Variants in PPP1R12A observed in about 807,000 individuals in gnomAD.
PPP1R12A encodes the protein protein phosphatase 1 regulatory subunit 12A.
In PPP1R12A, 19 loss-of-function variants were observed where a neutral mutation model predicts 139.6. The ratio of observed to expected loss-of-function variants is 0.14; its 90% CI spans 0.09 to 0.20. PPP1R12A has a LOEUF of 0.20. PPP1R12A is among the 10% of genes least tolerant of loss of function. The probability of loss-of-function intolerance (pLI) is 1.00; values close to 1 mark genes in which losing one functional copy is unlikely to be tolerated. For synonymous variants in PPP1R12A, 427 were observed against 420.6 expected, an observed-to-expected ratio of 1.02 and a Z score of -0.19; for missense variants, 925 against 1,211.5, an observed-to-expected ratio of 0.76 and a Z score of 3.51.
chr12:79,902,091 G>A (rs959001603), intron 1 of PPP1R12A, among the ~76,000 whole-genome samples: 3 of 152,180 alleles, frequency 2.0e-5, no homozygotes, highest in African/African-American at 2.4e-5. Context: ...GATAAGTCTT[G>A]TTAAAGATTT....
At chr12:79,897,894 A>T (rs1334541224) in intron 1 of PPP1R12A, among the ~76,000 whole-genome samples, 1 of 152,220 alleles carries the variant, frequency 6.6e-6, no homozygotes, top group Non-Finnish European at 1.5e-5. Flanking sequence ...GCCAATCTCT[A>T]GGACTGAGTA....
chr12:79,927,991 G>C (rs944660261), intron 1 of PPP1R12A, among the ~76,000 whole-genome samples: 1 of 152,180 alleles, frequency 6.6e-6, no homozygotes, highest in South Asian at 2.1e-4. Context: ...TTCATATAGT[G>C]TCAAGAAGTA....
At chr12:79,856,011 T>G (rs189001878) in intron 2 of PPP1R12A, among the ~76,000 whole-genome samples, 46 of 152,328 alleles carry the variant, frequency 3.0e-4, no homozygotes, top group African/African-American at 1.1e-3. Flanking sequence ...CCTTAGTACT[T>G]AGATCCAGTA....
chr12:79,935,227 G>A, upstream of PPP1R12A: 3 of 1,258,552 alleles, frequency 2.4e-6, no homozygotes, highest in Admixed American at 4.4e-5. Flanking sequence ...GGCGCCCTTC[G>A]ACCAGTGCGC....
chr12:79,781,680 A>C, intron 23 of PPP1R12A, 135 bp downstream of exon 23: 1 of 491,922 alleles, frequency 2.0e-6, no homozygotes, highest in Non-Finnish European at 3.6e-6. Context: ...AGTTGCTGCA[A>C]AATACATTAA....
chr12:79,875,805 C>T (rs142983876), intron 1 of PPP1R12A, among the ~76,000 whole-genome samples: 75 of 152,238 alleles, frequency 4.9e-4, no homozygotes, highest in African/African-American at 1.7e-3. Context: ...TACACATAGA[C>T]CATTACCTTT....
intron 1 of PPP1R12A, among the ~76,000 whole-genome samples, chr12:79,891,537 A>G (rs551010392): frequency 6.6e-6 from 1 of 152,320 alleles, no homozygotes; most frequent in East Asian, 1.9e-4. Context: ...AATGTAAAAT[A>G]CCACAAATAT....
intron 5 of PPP1R12A, among the ~76,000 whole-genome samples, chr12:79,826,598 A>G (rs1232923875): frequency 6.6e-6 from 1 of 152,190 alleles, no homozygotes; most frequent in Non-Finnish European, 1.5e-5. Context: ...AGCTGCTACT[A>G]TAGTAATTTT....
chr12:79,917,573 A>G (rs1887101853), intron 1 of PPP1R12A, among the ~76,000 whole-genome samples: 2 of 152,034 alleles, frequency 1.3e-5, no homozygotes, highest in African/African-American at 4.8e-5. Context: ...TGCTTACTCA[A>G]AGTCAAAATA....
chr12:79,853,493 T>C (rs1370329382), intron 2 of PPP1R12A, among the ~76,000 whole-genome samples: 2 of 152,226 alleles, frequency 1.3e-5, no homozygotes, highest in South Asian at 2.1e-4. Flanking sequence ...CAATTAATTA[T>C]ACCAGTAACA....
chr12:79,917,257 CG>C (rs532482424), intron 1 of PPP1R12A, among the ~76,000 whole-genome samples: 1 of 152,062 alleles, frequency 6.6e-6, no homozygotes, highest in South Asian at 2.1e-4. Context: ...GAGGCCGAGG[CG>C]GGTGGATCAC....
Position 79,828,222 on chromosome 12 carries a change from T to A in PPP1R12A, c.792+98A>T, listed in dbSNP as rs1007408597. On this transcript the variant is annotated intron_variant, in intron 5 of 24. Transcript: ENST00000450142. ...AGTTAATAAAAATATAATTATATAA[T>A]GTAATCCTTATAACCTTTTGAGACT... 25 of 1,024,396 alleles carry A rather than the reference T, an allele frequency of 2.4e-5. No homozygotes were observed. The African/African-American group carries it at 3.3e-4, about 14-fold the overall frequency. 63.5% of individuals were successfully genotyped at this position (1,024,396 alleles called of 1,614,324 possible). A position where few individuals can be genotyped will look rare whatever the true frequency, so the allele number is the denominator to read the frequency against.
intron 2 of PPP1R12A, among the ~76,000 whole-genome samples, chr12:79,856,142 CA>C (rs912667748): frequency 1.3e-5 from 2 of 152,036 alleles, no homozygotes; most frequent in Admixed American, 6.6e-5. Context: ...AAGAATCTTC[CA>C]AAAAAACAGT....
At chr12:79,870,098 G>GT (rs1882411826) in intron 2 of PPP1R12A, among the ~76,000 whole-genome samples, 1 of 151,772 alleles carries the variant, frequency 6.6e-6, no homozygotes, top group Non-Finnish European at 1.5e-5. Context: ...TGTTTTTAAT[G>GT]TATTTTTTTC....
At chr12:79,820,114 A>T (rs1028411162) in intron 8 of PPP1R12A, among the ~76,000 whole-genome samples, 7 of 152,178 alleles carry the variant, frequency 4.6e-5, no homozygotes, top group African/African-American at 7.2e-5. Flanking sequence ...ATGAACTAGA[A>T]GATTACAGAA....
intron 1 of PPP1R12A, among the ~76,000 whole-genome samples, chr12:79,881,704 G>A (rs558446262): frequency 2.2e-4 from 34 of 152,292 alleles, no homozygotes; most frequent in African/African-American, 7.7e-4. Context: ...TGTAGACACG[G>A]CAACCTTCTA....
chr12:79,799,156 TG>T (rs1344227224), intron 14 of PPP1R12A, among the ~76,000 whole-genome samples: 1 of 152,138 alleles, frequency 6.6e-6, no homozygotes, highest in African/African-American at 2.4e-5. Flanking sequence ...TTGTTTGTTT[TG>T]TTTTTTTTTG....
intron 18 of PPP1R12A, among the ~76,000 whole-genome samples, chr12:79,794,875 A>C (rs1872327798): frequency 6.6e-6 from 1 of 152,108 alleles, no homozygotes; most frequent in Non-Finnish European, 1.5e-5. Context: ...TAAAATTTAT[A>C]GTTCTAGTCA....
chr12:79,866,658 G>A (rs1881997000), intron 2 of PPP1R12A, among the ~76,000 whole-genome samples: 1 of 152,174 alleles, frequency 6.6e-6, no homozygotes, highest in Non-Finnish European at 1.5e-5. Flanking sequence ...AATGGGCAAA[G>A]GATATGAACA....
Sources: gnomAD v4.1 joint callset for allele counts (sites outside exome capture counted in the v4.1 genomes callset) on GRCh38, gnomAD v4.1.1 for gene constraint, MANE v1.5 for transcripts, NCBI Gene and HGNC (gene_info 2026-07-23, HGNC 2026-07-21) for gene names.